Variants in TBL1X observed in about 807,000 individuals in gnomAD.
TBL1X encodes F-box-like/WD repeat-containing protein TBL1X.
In TBL1X, 10 loss-of-function variants were observed where a neutral mutation model predicts 50.7. That is an observed-to-expected ratio of 0.20 (90% CI 0.12 to 0.33). The LOEUF (loss-of-function observed/expected upper bound fraction) is 0.33, where lower values mean the gene tolerates loss of function less well. Among genes scored for constraint, TBL1X ranks in the 10% least tolerant of loss-of-function variants. The probability of loss-of-function intolerance (pLI) is 1.00; values close to 1 mark genes in which losing one functional copy is unlikely to be tolerated. For missense variants in TBL1X, 340 were observed against 504.4 expected, an observed-to-expected ratio of 0.67 and a Z score of 3.12; for synonymous variants, 190 against 214.7, an observed-to-expected ratio of 0.88 and a Z score of 1.01.
At chrX:9,602,466 A>C (rs777181802) in intron 2 of TBL1X, among the ~76,000 whole-genome samples, 38 of 110,843 alleles carry the variant, frequency 3.4e-4, no homozygotes, top group African/African-American at 1.2e-3. Flanking sequence ...TATCCCTTAG[A>C]AGCCCTTCTT....
chrX:9,622,655 GTTTC>G (rs1337859561), intron 2 of TBL1X, among the ~76,000 whole-genome samples: 2 of 110,677 alleles, frequency 1.8e-5, no homozygotes, highest in African/African-American at 6.6e-5. Context: ...TTGTTTGTTT[GTTTC>G]TTTGTTTGTT....
intron 15 of TBL1X, among the ~76,000 whole-genome samples, chrX:9,710,237 CAGA>C (rs199671344): frequency 5.7e-5 from 4 of 70,174 alleles, no homozygotes; most frequent in South Asian, 6.5e-4. Context: ...AAAAAAAAAA[CAGA>C]AGAAGAAAAA....
At chrX:9,564,674 C>T (rs949907129) in intron 2 of TBL1X, among the ~76,000 whole-genome samples, 5 of 107,279 alleles carry the variant, frequency 4.7e-5, no homozygotes, top group Admixed American at 3.0e-4. Flanking sequence ...TGGAGCTTGC[C>T]GTGAGCCAAG....
chrX:9,628,057 G>T lies in TBL1X; in HGVS notation c.-130-12216G>T, dbSNP rs185064226. On this transcript the variant is annotated intron_variant, in intron 2 of 17. Transcript: ENST00000645353. The stretch of plus-strand genomic sequence containing the variant: ...TGTGGTTCTCATGACTCAATTAAAA[G>T]ATGCTATGTTTGTGTAAAAATTAAG... Among the ~76,000 whole-genome samples, 4 of 112,961 alleles carry T rather than the reference G, an allele frequency of 3.5e-5. No individual in the cohort carries two copies. The Admixed American group carries it at 3.7e-4, about 11-fold the overall frequency.
intron 2 of TBL1X, among the ~76,000 whole-genome samples, chrX:9,615,306 T>G (rs112712192): frequency 7.0e-4 from 78 of 112,200 alleles, no homozygotes; most frequent in African/African-American, 2.2e-3. Context: ...CTAAACTGCT[T>G]CCTCATGATG....
chrX:9,552,366 G>A lies in TBL1X; in HGVS notation c.-131+50517G>A, dbSNP rs373918936. ...TGGGGATAACAGTACATGTGAGCGT[G>A]AAATAAGAGTATAAATTGCATCAAT... is the stretch of plus-strand genomic sequence containing the variant. On this transcript the variant is annotated intron_variant, in intron 2 of 17. Transcript: ENST00000645353. Among the ~76,000 whole-genome samples the A allele has an allele frequency of 5.5e-4, 62 of 111,773 alleles. No individual in the cohort carries two copies. In the South Asian group the frequency reaches 0.023, roughly 42 times the overall value.
intron 2 of TBL1X, among the ~76,000 whole-genome samples, chrX:9,544,580 G>T (rs2082231958): frequency 9.2e-6 from 1 of 109,123 alleles, no homozygotes; most frequent in Admixed American, 9.8e-5. Flanking sequence ...TTATGTTTTT[G>T]AGACAGAGTT....
At position 9,599,003 on chromosome X, in the gene TBL1X, G is replaced by A. The variant is rs183934744; in HGVS notation, c.-130-41270G>A. Among the ~76,000 whole-genome samples, 42 of 108,477 alleles carry A rather than the reference G, an allele frequency of 3.9e-4. 1 individual carries two copies. The highest frequency in any genetic ancestry group is 1.4e-3 in the African/African-American group (42 of 29,736). 94.2% of individuals were successfully genotyped at this position (108,477 alleles called of 115,157 possible). On this transcript the variant is annotated intron_variant, in intron 2 of 17. Transcript: ENST00000645353. ...CTGTCGCCCAGGCTGGAGTGCAGTG[G>A]CGCGATCCCGGCTCACTGCAACCCC...
intron 2 of TBL1X, among the ~76,000 whole-genome samples, chrX:9,600,476 G>GA (rs2082550619): frequency 2.8e-5 from 1 of 36,090 alleles, no homozygotes; most frequent in African/African-American, 1.3e-4. Flanking sequence ...GGGCGGGGGG[G>GA]GGGGTACACA....
In TBL1X at chrX:9,535,905, G is replaced by A. The variant is rs779969935; in HGVS notation, c.-131+34056G>A. Among the ~76,000 whole-genome samples the A allele has an allele frequency of 3.0e-3, 336 of 112,071 alleles. 2 individuals are homozygous for A. The highest frequency in any genetic ancestry group is 0.01 in the African/African-American group (323 of 30,847). ...TGGTGAAACTAGAGGTAGGGAATGA[G>A]CATTTTTGGTTCTGTATCATATTCC... is the stretch of plus-strand genomic sequence containing the variant. On this transcript the variant is annotated intron_variant, in intron 2 of 17. Transcript: ENST00000645353.
At chrX:9,715,089 G>A (rs948994545) in intron 17 of TBL1X, 86 bp downstream of exon 17, 6 of 915,380 alleles carry the variant, frequency 6.6e-6, no homozygotes, top group African/African-American at 5.9e-5. Context: ...TGCAGCATTC[G>A]TGTCCTGAAG....
rs960628087 is a variant in TBL1X, at chrX:9,623,976, G to T, written c.-130-16297G>T. On this transcript the variant is annotated intron_variant, in intron 2 of 17. Transcript: ENST00000645353. ...ACCCATTTGCATCTTGCTTATTTCAGGTACATTTCCTTTCCTGTTTATAAT... is the reference window on the plus strand; with the variant it reads ...ACCCATTTGCATCTTGCTTATTTCATGTACATTTCCTTTCCTGTTTATAAT... 1.2e-4 allele frequency among the ~76,000 whole-genome samples: 14 copies of T among 112,150 alleles called. No homozygotes were observed. The South Asian group carries it at 5.2e-3, about 41-fold the overall frequency.
chrX:9,703,045 T>C (rs6640474), intron 12 of TBL1X, among the ~76,000 whole-genome samples: 26,478 of 111,055 alleles, frequency 0.24, 2,741 homozygotes, highest in South Asian at 0.4. Flanking sequence ...AGGGAGGCAC[T>C]GTCCCTCCAT....
chrX:9,682,018 T>C (rs936147699), intron 5 of TBL1X, among the ~76,000 whole-genome samples: 1 of 112,708 alleles, frequency 8.9e-6, no homozygotes, highest in African/African-American at 3.2e-5. Flanking sequence ...GAAGATTCCA[T>C]GTAGTGGATC....
At chrX:9,516,912 G>A (rs1010956709) in intron 2 of TBL1X, among the ~76,000 whole-genome samples, 13 of 111,965 alleles carry the variant, frequency 1.2e-4, no homozygotes, top group Non-Finnish European at 2.1e-4. Flanking sequence ...AGGAATTACT[G>A]AAATTGCACA....
intron 2 of TBL1X, chrX:9,636,293 C>T (rs1055334912): frequency 9.0e-6 from 1 of 110,963 alleles, no homozygotes; most frequent in African/African-American, 3.3e-5. Flanking sequence ...CTCAGTGGCT[C>T]ACACCTGTAA....
At chrX:9,502,243 T>C (rs1178195060) in intron 2 of TBL1X, among the ~76,000 whole-genome samples, 2 of 112,916 alleles carry the variant, frequency 1.8e-5, no homozygotes, top group Non-Finnish European at 3.7e-5. Flanking sequence ...CTTTTGACAT[T>C]TTTTTGTGGA....
chrX:9,497,367 C>T (rs1301441884), intron 1 of TBL1X, among the ~76,000 whole-genome samples: 1 of 84,520 alleles, frequency 1.2e-5, no homozygotes, highest in Non-Finnish European at 2.1e-5. Flanking sequence ...CACCATCCTG[C>T]GATTGCACTC....
At chrX:9,571,161 G>A (rs1297388022) in intron 2 of TBL1X, among the ~76,000 whole-genome samples, 1 of 111,484 alleles carries the variant, frequency 9.0e-6, no homozygotes, top group Non-Finnish European at 1.9e-5. Flanking sequence ...TCAGTTTCTG[G>A]GGAGGCCTCT....
Sources: gnomAD v4.1 joint callset for allele counts (sites outside exome capture counted in the v4.1 genomes callset) on GRCh38, gnomAD v4.1.1 for gene constraint, MANE v1.5 for transcripts, NCBI Gene and HGNC (gene_info 2026-07-23, HGNC 2026-07-21) for gene names.